Variants in INTS4 observed in about 807,000 individuals in gnomAD.
INTS4 encodes MSTP093.
INTS4 carries 70 observed loss-of-function variants against 119.5 expected under a neutral mutation model. The ratio of observed to expected loss-of-function variants is 0.59; its 90% confidence interval spans 0.48 to 0.71. INTS4 has a LOEUF of 0.71. INTS4 is among the 30% of genes least tolerant of loss of function. The pLI is 0.00. For synonymous variants in INTS4, 316 were observed against 419.6 expected, an observed-to-expected ratio of 0.75 and a Z score of 3.02; for missense variants, 867 against 1,173.2, an observed-to-expected ratio of 0.74 and a Z score of 3.81.
intron 4 of INTS4, among the ~76,000 whole-genome samples, chr11:77,969,495 C>T (rs1384397606): frequency 6.6e-6 from 1 of 152,160 alleles, no homozygotes; most frequent in East Asian, 1.9e-4. Context: ...ATCCTCTCAC[C>T]TCAGCCTCCC....
intron 7 of INTS4, among the ~76,000 whole-genome samples, chr11:77,957,866 A>G (rs1217362618): frequency 6.6e-6 from 1 of 151,796 alleles, no homozygotes; most frequent in African/African-American, 2.4e-5. Context: ...ACGAGGTTTC[A>G]CCATGTTGAC....
At chr11:77,990,888 T>C (rs1366086562) in intron 2 of INTS4, among the ~76,000 whole-genome samples, 2 of 152,128 alleles carry the variant, frequency 1.3e-5, no homozygotes, top group African/African-American at 4.8e-5. Context: ...TGATGCACCT[T>C]ATCATTGACA....
chr11:77,898,965 A>T (rs1952653124), intron 18 of INTS4, among the ~76,000 whole-genome samples: 1 of 152,246 alleles, frequency 6.6e-6, no homozygotes, highest in South Asian at 2.1e-4. Flanking sequence ...GGTTGCAGTG[A>T]GTTGAGATCG....
intron 8 of INTS4, among the ~76,000 whole-genome samples, chr11:77,943,289 A>G (rs928111794): frequency 6.6e-6 from 1 of 152,216 alleles, no homozygotes; most frequent in African/African-American, 2.4e-5. Context: ...ACCTAAGAAT[A>G]GGTGAAGCTT....
rs377679502 is a variant in INTS4, at chr11:77,909,973, GA to G, written c.1923-2164del. On this transcript the variant is annotated intron_variant, in intron 15 of 22. Coordinates refer to ENST00000534064, the MANE Select transcript of INTS4 (RefSeq NM_033547.4). ...TGCTGGAGAGGATGTGGAGAAATAG[GA>G]ACACTTTTACACTGTTGGTGGGACT... Among the ~76,000 whole-genome samples the G allele has an allele frequency of 1.7e-3, 266 of 152,202 alleles. 4 individuals are homozygous for G. Among genetic ancestry groups the G allele is most frequent in the African/African-American group, 5.8e-3 (239 of 41,514 alleles).
At chr11:77,992,138 C>T (rs1591158154) in intron 1 of INTS4, among the ~76,000 whole-genome samples, 1 of 152,164 alleles carries the variant, frequency 6.6e-6, no homozygotes, top group East Asian at 1.9e-4. Flanking sequence ...TGGCTCATGC[C>T]TGTAATCCCA....
intron 4 of INTS4, among the ~76,000 whole-genome samples, chr11:77,967,468 T>C (rs1449252426): frequency 1.3e-5 from 2 of 152,206 alleles, no homozygotes; most frequent in African/African-American, 4.8e-5. Flanking sequence ...CCATCCAGCC[T>C]GTGGCATTTT....
downstream of INTS4, chr11:77,876,862 A>G (rs1166749343): frequency 3.1e-6 from 2 of 636,350 alleles, no homozygotes; most frequent in African/African-American, 1.8e-5. Context: ...TCTGAAAAAT[A>G]TCAGCATATT....
intron 21 of INTS4, among the ~76,000 whole-genome samples, chr11:77,890,596 C>G (rs1288694860): frequency 6.6e-6 from 1 of 152,068 alleles, no homozygotes; most frequent in Admixed American, 6.6e-5. Flanking sequence ...GTCTACTCAC[C>G]AAACCCTGTT....
chr11:77,891,638 C>T (rs369142490), intron 20 of INTS4, 43 bp downstream of exon 20: 19 of 1,601,960 alleles, frequency 1.2e-5, no homozygotes, highest in East Asian at 6.7e-5. Context: ...GATTTTTGAC[C>T]GTCTGGACAG....
At chr11:77,954,293 AT>A (rs796189136) in intron 8 of INTS4, among the ~76,000 whole-genome samples, 16 of 149,954 alleles carry the variant, frequency 1.1e-4, no homozygotes, top group Middle Eastern at 3.4e-3. Flanking sequence ...TAAAAAAAAA[AT>A]TTTTTTTTAA....
chr11:77,887,984 A>G (rs1243171488), intron 21 of INTS4, among the ~76,000 whole-genome samples: 3 of 152,266 alleles, frequency 2.0e-5, no homozygotes, highest in African/African-American at 7.2e-5. Context: ...ATATTGTGAA[A>G]ATGGCCATAC....
At chr11:77,887,863 C>T (rs530329761) in intron 21 of INTS4, among the ~76,000 whole-genome samples, 1 of 152,284 alleles carries the variant, frequency 6.6e-6, no homozygotes, top group South Asian at 2.1e-4. Context: ...ATCCAACTTA[C>T]AAGAGATGTG....
rs1565234425 is a variant in INTS4 at position 77,903,580 on chromosome 11, T to C, written c.2057A>G (p.Tyr686Cys). 2.5e-6 allele frequency: 4 copies of C among 1,613,882 alleles called. No homozygotes were observed. The highest frequency in any genetic ancestry group is 1.1e-5 in the South Asian group (1 of 91,048). Residue 686 changes from tyrosine (Y) to cysteine (C), a missense_variant, in exon 17 of 23, where the codon TAT (tyrosine) becomes TGT (cysteine). Physicochemically the swap from Tyr to Cys is radical, Grantham distance 194 (BLOSUM62 -2). Coordinates refer to ENST00000534064, the MANE Select transcript of INTS4 (RefSeq NM_033547.4). ...TGAGGCCAAATCACTCTGCTTCAAA[T>C]ACAAAGGGGCAGCTACATTCCACAA... is the stretch of plus-strand genomic sequence containing the variant. ...EKLWNVAAPL[Y>C]LKQSDLASAA...
intron 8 of INTS4, among the ~76,000 whole-genome samples, chr11:77,944,516 T>C (rs1954001932): frequency 6.6e-6 from 1 of 152,210 alleles, no homozygotes; most frequent in Admixed American, 6.5e-5. Flanking sequence ...TCTGTGGTTG[T>C]GGTTGGTGCT....
intron 16 of INTS4, among the ~76,000 whole-genome samples, chr11:77,906,806 A>G (rs1317013493): frequency 1.3e-5 from 2 of 152,212 alleles, no homozygotes; most frequent in Non-Finnish European, 2.9e-5. Flanking sequence ...AATCACTTTG[A>G]AAACAAAGAA....
intron 3 of INTS4, among the ~76,000 whole-genome samples, chr11:77,981,157 C>A: frequency 7.8e-6 from 1 of 128,730 alleles, no homozygotes; most frequent in South Asian, 2.6e-4. Context: ...CTCAATATAT[C>A]AAGGCCCTGC....
chr11:77,983,786 C>G (rs1177267292), intron 2 of INTS4, among the ~76,000 whole-genome samples: 1 of 152,128 alleles, frequency 6.6e-6, no homozygotes, highest in African/African-American at 2.4e-5. Context: ...CGCTTCTGGG[C>G]CTTTTGGCTA....
Position 77,935,419 on chromosome 11 carries a change from A to AGGAGAGAACTACACAGAGAGAC in INTS4, c.1165+3210_1165+3231dup. On this transcript the variant is annotated intron_variant, in intron 10 of 22. Coordinates refer to ENST00000534064, the MANE Select transcript of INTS4 (RefSeq NM_033547.4). ...GAGTTCATAGAGCAAATTACTAGAA[A>AGGAGAGAACTACACAGAGAGAC]GGAGAGAACTACACAGAGAGACAGA... 1.3e-5 allele frequency among the ~76,000 whole-genome samples: 2 copies of AGGAGAGAACTACACAGAGAGAC among 152,126 alleles called. 1 individual carries two copies. Among genetic ancestry groups the AGGAGAGAACTACACAGAGAGAC allele is most frequent in the Non-Finnish European group, 2.9e-5 (2 of 68,022 alleles).
Sources: allele counts gnomAD v4.1 joint callset (sites outside exome capture counted in the v4.1 genomes callset), GRCh38; gene constraint gnomAD v4.1.1; transcripts MANE v1.5; gene names NCBI Gene and HGNC (gene_info 2026-07-23, HGNC 2026-07-21).